Variants in ANXA6 observed in about 807,000 individuals in gnomAD.
ANXA6 encodes the protein annexin A6.
ANXA6 carries 71 observed loss-of-function variants against 95.4 expected under a neutral mutation model. The observed-to-expected ratio is 0.74, with a 90% CI of 0.61 to 0.91. The LOEUF (loss-of-function observed/expected upper bound fraction) is 0.91. ANXA6 is among the 40% of genes least tolerant of loss of function. The pLI is 0.00. For synonymous variants in ANXA6, 289 were observed against 315.9 expected (o/e 0.91, Z 0.90); for missense variants, 830 against 876.4 (o/e 0.95, Z 0.67).
chr5:151,124,821 C>A (rs1381376616), intron 14 of ANXA6, among the ~76,000 whole-genome samples: 3 of 152,200 alleles, frequency 2.0e-5, no homozygotes, highest in Non-Finnish European at 2.9e-5. Flanking sequence ...AACAGAGTTT[C>A]CCAAATTTCA....
chr5:151,126,570 AC>A, intron 13 of ANXA6, 90 bp from the exon 14 acceptor site: 1 of 924,030 alleles, frequency 1.1e-6, no homozygotes, highest in South Asian at 1.4e-5. Context: ...ACACACACAC[AC>A]CCCAACACAT....
At chr5:151,156,098 C>T (rs1273731886) in intron 1 of ANXA6, among the ~76,000 whole-genome samples, 1 of 152,244 alleles carries the variant, frequency 6.6e-6, no homozygotes, top group African/African-American at 2.4e-5. Flanking sequence ...TTCTGTATCT[C>T]AGCAGATGCT....
intron 5 of ANXA6, 80 bp downstream of exon 5, chr5:151,138,598 C>T (rs1173103788): frequency 2.1e-6 from 2 of 972,622 alleles, no homozygotes; most frequent in East Asian, 2.6e-5. Flanking sequence ...ATGGGGCTCA[C>T]CAGTTGCTTT....
intron 16 of ANXA6, 75 bp downstream of exon 16, chr5:151,122,842 C>G (rs1258050606): frequency 7.4e-7 from 1 of 1,359,250 alleles, no homozygotes; most frequent in Non-Finnish European, 1.0e-6. Flanking sequence ...CTGTGCAGAA[C>G]CGATGGGGAC....
chr5:151,139,254 C>G (rs913437677), intron 4 of ANXA6, 99 bp downstream of exon 4: 32 of 863,518 alleles, frequency 3.7e-5, no homozygotes, highest in Non-Finnish European at 5.8e-5. Flanking sequence ...ACAGGCTAAC[C>G]TGGAGTGCCA....
At chr5:151,132,680 T>G in intron 9 of ANXA6, 109 bp from the exon 10 acceptor site, 1 of 877,506 alleles carries the variant, frequency 1.1e-6, no homozygotes, top group Non-Finnish European at 1.8e-6. Flanking sequence ...CTGTCCACCA[T>G]GAAGCTAGGG....
rs576608367 is a variant in ANXA6, at chr5:151,132,952, C to A, written c.640+142G>T. 4.2e-5 allele frequency: 28 copies of A among 665,414 alleles called. No individual in the cohort carries two copies. The South Asian group carries it at 5.3e-4, about 13-fold the overall frequency. The allele number at this position is 665,414 out of a possible 1,614,324, so 41.2% of individuals were successfully genotyped here. On this transcript the variant is annotated intron_variant, in intron 9 of 25. Transcript: ENST00000354546. ...AAACCGCAGTTACTTTTGCACCAAC[C>A]TAATAAACTCAGGACTAAAGTTTGG...
chr5:151,104,170 G>A (rs1764628674), intron 24 of ANXA6, among the ~76,000 whole-genome samples: 1 of 152,186 alleles, frequency 6.6e-6, no homozygotes. Context: ...AGAGGCAGGG[G>A]AGTGCTTCTC....
At chr5:151,141,075 T>C (rs957113103) in intron 2 of ANXA6, among the ~76,000 whole-genome samples, 2 of 152,166 alleles carry the variant, frequency 1.3e-5, no homozygotes, top group African/African-American at 4.8e-5. Flanking sequence ...GCTTGGTCTT[T>C]GAGGGGAAGG....
intron 1 of ANXA6, chr5:151,155,376 GC>G (rs1340145696): frequency 6.6e-6 from 1 of 152,098 alleles, no homozygotes; most frequent in African/African-American, 2.4e-5. Context: ...CCATCTTACA[GC>G]CTCATGAAGG....
chr5:151,122,351 C>A (rs546213931), intron 16 of ANXA6, 91 bp from the exon 17 acceptor site: 31 of 700,146 alleles, frequency 4.4e-5, no homozygotes, highest in Non-Finnish European at 7.5e-5. Flanking sequence ...AACAGGGGTT[C>A]CACATGAGGG....
intron 23 of ANXA6, among the ~76,000 whole-genome samples, chr5:151,106,806 C>G (rs185181104): frequency 6.6e-6 from 1 of 152,150 alleles, no homozygotes; most frequent in Non-Finnish European, 1.5e-5. Context: ...TGTAACCAAC[C>G]CCACAAGTCT....
At chr5:151,150,300 T>C (rs1402375255) in intron 1 of ANXA6, among the ~76,000 whole-genome samples, 1 of 152,174 alleles carries the variant, frequency 6.6e-6, no homozygotes, top group Non-Finnish European at 1.5e-5. Flanking sequence ...CGTGGGCTTA[T>C]TGCTCATTTT....
chr5:151,138,577 G>T, intron 5 of ANXA6, 101 bp downstream of exon 5: 1 of 755,726 alleles, frequency 1.3e-6, no homozygotes, highest in Non-Finnish European at 2.3e-6. Flanking sequence ...GGACACATGT[G>T]CTGGGTGGGT....
At chr5:151,119,573 C>G (rs908263228) in intron 17 of ANXA6, among the ~76,000 whole-genome samples, 183 bp from the exon 18 acceptor site, 1 of 152,192 alleles carries the variant, frequency 6.6e-6, no homozygotes, top group Non-Finnish European at 1.5e-5. Flanking sequence ...TCTCAAGATC[C>G]CCAGAACCTC....
chr5:151,107,566 A>G (rs556281390), intron 23 of ANXA6, among the ~76,000 whole-genome samples: 7 of 152,330 alleles, frequency 4.6e-5, no homozygotes, highest in Non-Finnish European at 1.0e-4. Context: ...TCTGAAATCA[A>G]GATGTGTTTT....
rs1316417933 is a variant in ANXA6 at position 151,147,930 on chromosome 5, T to C, written c.-25-4A>G. ...CTCCGGTTCGCAGCAGAATCCACTG[T>C]AGAGAAGAAAGACAGCATGTGAGAT... On this transcript the variant is annotated splice_polypyrimidine_tract_variant and splice_region_variant and intron_variant, in intron 1 of 25. Coordinates refer to ENST00000354546, the MANE Select transcript of ANXA6 (RefSeq NM_001155.5). The C allele has an allele frequency of 1.9e-6, 3 of 1,603,194 alleles. No homozygotes were observed. Among genetic ancestry groups the C allele is most frequent in the African/African-American group, 1.3e-5 (1 of 74,708 alleles).
intron 20 of ANXA6, among the ~76,000 whole-genome samples, chr5:151,116,266 T>C (rs1465873059): frequency 6.6e-6 from 1 of 152,208 alleles, no homozygotes; most frequent in African/African-American, 2.4e-5. Context: ...TGGATGTCTA[T>C]AAAAGTCTGT....
rs146629206 is a variant in ANXA6, at chr5:151,107,831, C to G, written c.1780+624G>C. Among the ~76,000 whole-genome samples, 220 of 152,214 alleles carry G rather than the reference C, an allele frequency of 1.4e-3. 1 individual carries two copies. The highest frequency in any genetic ancestry group is 4.6e-3 in the African/African-American group (193 of 41,522). On this transcript the variant is annotated intron_variant, in intron 23 of 25. Coordinates refer to ENST00000354546, the MANE Select transcript of ANXA6 (RefSeq NM_001155.5). ...ATAAGCGTAACCAAAAAGCCAGGTA[C>G]TGAGAGGAGACGAGGGTCTGTGTGT...
Sources: gnomAD v4.1 joint callset for allele counts (sites outside exome capture counted in the v4.1 genomes callset) on GRCh38, gnomAD v4.1.1 for gene constraint, MANE v1.5 for transcripts, NCBI Gene and HGNC (gene_info 2026-07-23, HGNC 2026-07-21) for gene names.